KCNN2: variants seen among roughly 807,000 people sequenced by gnomAD.
KCNN2 encodes the protein potassium calcium-activated channel subfamily N member 2, also known as small conductance calcium-activated potassium channel protein 2.
KCNN2 carries 24 observed loss-of-function variants against 55.5 expected under a neutral mutation model. The ratio of observed to expected loss-of-function variants is 0.43; its 90% CI spans 0.31 to 0.61. The LOEUF is 0.61. Among genes scored for constraint, KCNN2 ranks in the 20% least tolerant of loss-of-function variants. The pLI, the probability that KCNN2 is intolerant of heterozygous loss-of-function variation, is 0.08. For synonymous variants in KCNN2, 431 were observed against 336.1 expected, an observed-to-expected ratio of 1.28 and a Z score of -3.09; for missense variants, 754 against 853.6, an observed-to-expected ratio of 0.88 and a Z score of 1.45.
At chr5:114,262,194 C>G (rs1228537044) in intron 2 of KCNN2, among the ~76,000 whole-genome samples, 2 of 152,134 alleles carry the variant, frequency 1.3e-5, no homozygotes, top group Admixed American at 6.5e-5. Flanking sequence ...CTGAGTCAGC[C>G]TTTTCTCATT....
chr5:114,060,206 G>T (rs1245778321), intron 1 of KCNN2, among the ~76,000 whole-genome samples: 1 of 152,240 alleles, frequency 6.6e-6, no homozygotes, highest in Non-Finnish European at 1.5e-5. Flanking sequence ...TGCCCTCTTG[G>T]TACTGGGATT....
chr5:114,473,215 A>T, intron 5 of KCNN2, 51 bp downstream of exon 5: 2 of 1,185,620 alleles, frequency 1.7e-6, no homozygotes, highest in Non-Finnish European at 1.2e-6. Context: ...TGATTTTTTC[A>T]GTGTTAGGAA....
At chr5:114,335,142 G>C (rs1434790896) in intron 2 of KCNN2, among the ~76,000 whole-genome samples, 1 of 152,046 alleles carries the variant, frequency 6.6e-6, no homozygotes, top group African/African-American at 2.4e-5. Flanking sequence ...CCAGGATGGT[G>C]TTTATCTCCT....
chr5:114,376,820 T>C (rs1313428056), intron 2 of KCNN2, among the ~76,000 whole-genome samples: 2 of 152,184 alleles, frequency 1.3e-5, no homozygotes, highest in South Asian at 2.1e-4. Context: ...TGGTGACTTA[T>C]ACCTGTAATC....
chr5:114,241,440 G>A (rs1162637882), intron 2 of KCNN2, among the ~76,000 whole-genome samples: 5 of 151,464 alleles, frequency 3.3e-5, no homozygotes, highest in Non-Finnish European at 5.9e-5. Context: ...TCTGTCTTCA[G>A]GAGAATCTAA....
chr5:114,159,374 G>C (rs967003558), intron 1 of KCNN2, among the ~76,000 whole-genome samples: 1 of 152,162 alleles, frequency 6.6e-6, no homozygotes, highest in Admixed American at 6.5e-5. Context: ...TGGTGGATAA[G>C]CTTTTGGATG....
In KCNN2 at chr5:114,468,389, C is replaced by T. The variant is rs1431654257; in HGVS notation, c.1780-4665C>T. Among the ~76,000 whole-genome samples the T allele has an allele frequency of 3.3e-5, 5 of 152,094 alleles. No homozygotes were observed. In the East Asian group the frequency reaches 9.6e-4, roughly 29 times the overall value. On this transcript the variant is annotated intron_variant, in intron 4 of 7. Transcript: ENST00000673685. The stretch of plus-strand genomic sequence containing the variant: ...ACATTGAGTCAGTCAGCCCCAGGGA[C>T]AGAAAAACAGGCAATGTGTTCAAGT...
intron 2 of KCNN2, among the ~76,000 whole-genome samples, chr5:114,330,343 C>T (rs1756793792): frequency 6.6e-6 from 1 of 152,218 alleles, no homozygotes; most frequent in African/African-American, 2.4e-5. Context: ...TAACGGAGTA[C>T]TCCACATGTT....
At chr5:114,191,940 C>T (rs1753459037) in intron 1 of KCNN2, among the ~76,000 whole-genome samples, 1 of 152,092 alleles carries the variant, frequency 6.6e-6, no homozygotes, top group Non-Finnish European at 1.5e-5. Flanking sequence ...AATGGATCTC[C>T]CTTTCAGGAA....
intron 1 of KCNN2, among the ~76,000 whole-genome samples, chr5:114,129,851 C>T (rs547270473): frequency 2.0e-5 from 3 of 152,326 alleles, no homozygotes; most frequent in South Asian, 4.1e-4. Context: ...TTTGATTCTT[C>T]ATAACTGTGT....
At chr5:114,093,905 C>T (rs1751200870) in intron 1 of KCNN2, among the ~76,000 whole-genome samples, 2 of 152,060 alleles carry the variant, frequency 1.3e-5, no homozygotes. Flanking sequence ...AAAGAATTTT[C>T]CCTGTTACAG....
chr5:114,157,077 C>G (rs766746341), intron 1 of KCNN2, among the ~76,000 whole-genome samples: 1 of 151,648 alleles, frequency 6.6e-6, no homozygotes, highest in Non-Finnish European at 1.5e-5. Flanking sequence ...CATATGTATA[C>G]ATGTGCCATG....
intron 1 of KCNN2, among the ~76,000 whole-genome samples, chr5:114,203,229 T>C (rs1037700282): frequency 3.9e-5 from 6 of 152,220 alleles, no homozygotes; most frequent in Non-Finnish European, 5.9e-5. Flanking sequence ...ATATTATGTC[T>C]CTTTTGCTGA....
chr5:114,398,987 A>G (rs1339120630), intron 2 of KCNN2, among the ~76,000 whole-genome samples: 2 of 152,200 alleles, frequency 1.3e-5, no homozygotes, highest in African/African-American at 4.8e-5. Context: ...GTCACCTGCA[A>G]ACAGGGATAG....
chr5:114,345,906 G>A (rs1248147608), intron 2 of KCNN2, among the ~76,000 whole-genome samples: 1 of 152,106 alleles, frequency 6.6e-6, no homozygotes, highest in Non-Finnish European at 1.5e-5. Flanking sequence ...TCGGCATCCC[G>A]AGTAGCTGAG....
intron 2 of KCNN2, among the ~76,000 whole-genome samples, chr5:114,235,591 C>T (rs1244476347): frequency 1.3e-5 from 2 of 152,142 alleles, no homozygotes; most frequent in Non-Finnish European, 2.9e-5. Flanking sequence ...ATTTATATTA[C>T]CAACGTGTAT....
At chr5:114,234,086 G>T (rs1187541023) in intron 2 of KCNN2, among the ~76,000 whole-genome samples, 1 of 150,840 alleles carries the variant, frequency 6.6e-6, no homozygotes, top group Non-Finnish European at 1.5e-5. Flanking sequence ...TCCTCACCTA[G>T]TTATTTATAA....
chr5:114,278,744 G>C (rs1755546993), intron 2 of KCNN2, among the ~76,000 whole-genome samples: 1 of 152,196 alleles, frequency 6.6e-6, no homozygotes, highest in Admixed American at 6.5e-5. Flanking sequence ...ATTTGGGCAG[G>C]AGTGTACCGC....
chr5:114,414,073 G>C (rs983573814), intron 3 of KCNN2, among the ~76,000 whole-genome samples: 3 of 152,104 alleles, frequency 2.0e-5, no homozygotes, highest in African/African-American at 7.2e-5. Context: ...TGGAGAAAAT[G>C]CAAGTGCTTC....
Sources: gnomAD v4.1 joint callset for allele counts (sites outside exome capture counted in the v4.1 genomes callset) on GRCh38, gnomAD v4.1.1 for gene constraint, MANE v1.5 for transcripts, NCBI Gene and HGNC (gene_info 2026-07-23, HGNC 2026-07-21) for gene names.